Variants in PCDH15 observed in about 807,000 individuals in gnomAD.
The protein encoded by PCDH15 is protocadherin related 15.
Under a neutral mutation model 178.5 loss-of-function variants are expected in PCDH15, and 129 were observed. The ratio of observed to expected loss-of-function variants is 0.72; its 90% confidence interval spans 0.63 to 0.84. The LOEUF (loss-of-function observed/expected upper bound fraction) is 0.84, where lower values mean the gene tolerates loss of function less well. PCDH15 is among the 40% of genes least tolerant of loss of function. The pLI is 0.00. For missense variants in PCDH15, 2,230 were observed against 2,099.9 expected (o/e 1.06, Z -1.21); for synonymous variants, 800 against 732.0 (o/e 1.09, Z -1.50).
At chr10:55,248,076 T>C (rs1006584668) in intron 1 of PCDH15, among the ~76,000 whole-genome samples, 10 of 151,354 alleles carry the variant, frequency 6.6e-5, no homozygotes, top group African/African-American at 2.2e-4. Context: ...CTTTCACCTT[T>C]ACACTTGTAT....
intron 25 of PCDH15, among the ~76,000 whole-genome samples, chr10:53,932,161 T>A (rs1274919117): frequency 6.6e-6 from 1 of 152,248 alleles, no homozygotes; most frequent in African/African-American, 2.4e-5. Context: ...CATACTTCAG[T>A]TAATTCCAGT....
intron 1 of PCDH15, among the ~76,000 whole-genome samples, chr10:55,260,590 T>TA (rs937226267): frequency 3.1e-4 from 47 of 152,036 alleles, no homozygotes; most frequent in Admixed American, 2.8e-3. Flanking sequence ...TATACAATCT[T>TA]AAAAAAAAGA....
At chr10:54,125,497 T>A (rs1404523162) in intron 15 of PCDH15, among the ~76,000 whole-genome samples, 2 of 152,198 alleles carry the variant, frequency 1.3e-5, no homozygotes, top group Non-Finnish European at 2.9e-5. Flanking sequence ...AGAGAAACAA[T>A]GATTCACCTT....
At chr10:54,697,674 G>A (rs1240374532) in intron 1 of PCDH15, among the ~76,000 whole-genome samples, 1 of 123,290 alleles carries the variant, frequency 8.1e-6, no homozygotes, top group East Asian at 2.3e-4. Context: ...AAGGGGGAAG[G>A]GGAAGGGAGG....
chr10:55,250,416 C>T (rs1034600851), intron 1 of PCDH15, among the ~76,000 whole-genome samples: 18 of 149,378 alleles, frequency 1.2e-4, no homozygotes, highest in East Asian at 2.0e-4. Flanking sequence ...CAAAGTGCTA[C>T]GATTACAGGT....
chr10:54,237,986 A>C (rs2054807995), intron 8 of PCDH15, among the ~76,000 whole-genome samples: 1 of 152,138 alleles, frequency 6.6e-6, no homozygotes, highest in Admixed American at 6.6e-5. Flanking sequence ...TTTTGAAATG[A>C]TGCCTTTAGA....
At chr10:54,242,427 A>G (rs2055505433) in intron 8 of PCDH15, among the ~76,000 whole-genome samples, 1 of 151,684 alleles carries the variant, frequency 6.6e-6, no homozygotes, top group African/African-American at 2.4e-5. Context: ...TCCATAGAAC[A>G]ATAAGATTTA....
intron 2 of PCDH15, chr10:55,599,839 C>A (rs916538938): frequency 9.7e-7 from 1 of 1,035,808 alleles, no homozygotes; most frequent in Non-Finnish European, 1.4e-6. Flanking sequence ...TTAAGGGTTG[C>A]GGTATCCTGA....
In PCDH15 at chr10:54,494,012, C is replaced by T. The variant is rs538431342; in HGVS notation, c.157+33800G>A. ...CAAAAAACCAAACACTGCATGTTCT[C>T]ACTCATAGGTGGGAATTGAACAATG... On this transcript the variant is annotated intron_variant, in intron 3 of 37. Coordinates refer to ENST00000644397, the MANE Select transcript of PCDH15 (RefSeq NM_001384140.1). 3.0e-4 allele frequency among the ~76,000 whole-genome samples: 44 copies of T among 147,672 alleles called. No homozygotes were observed. In the South Asian group the frequency reaches 9.0e-3, roughly 30 times the overall value.
intron 2 of PCDH15, chr10:55,599,539 CT>C (rs2132141900): frequency 6.4e-6 from 1 of 155,066 alleles, no homozygotes; most frequent in South Asian, 2.0e-4. Flanking sequence ...TTACATTGGA[CT>C]AATCTATTAT....
At chr10:55,294,902 C>T (rs1300916830) in intron 1 of PCDH15, among the ~76,000 whole-genome samples, 1 of 152,004 alleles carries the variant, frequency 6.6e-6, no homozygotes, top group Non-Finnish European at 1.5e-5. Flanking sequence ...TATATTTTTC[C>T]GTATTAAAAT....
chr10:55,147,661 TA>T (rs34652922), intron 2 of PCDH15, among the ~76,000 whole-genome samples: 77,453 of 142,388 alleles, frequency 0.54, 20,749 homozygotes, highest in South Asian at 0.66. Flanking sequence ...CTTTTTTTTT[TA>T]AATTTTATTA....
intron 2 of PCDH15, among the ~76,000 whole-genome samples, chr10:55,007,783 A>G (rs1480987038): frequency 2.0e-5 from 3 of 152,134 alleles, no homozygotes; most frequent in African/African-American, 7.2e-5. Flanking sequence ...AATACATTCT[A>G]AAAGACAGTC....
intron 3 of PCDH15, among the ~76,000 whole-genome samples, chr10:54,387,626 A>G (rs765697328): frequency 6.6e-6 from 1 of 152,194 alleles, no homozygotes; most frequent in Non-Finnish European, 1.5e-5. Context: ...AACTCACCAT[A>G]TCACCACATC....
intron 25 of PCDH15, among the ~76,000 whole-genome samples, chr10:53,927,246 T>C (rs2084644671): frequency 6.6e-6 from 1 of 152,138 alleles, no homozygotes; most frequent in African/African-American, 2.4e-5. Flanking sequence ...CATGTAATGT[T>C]GTCAAAGATA....
At chr10:53,821,731 A>G (rs2076279466) in intron 32 of PCDH15, 19 of 1,518,410 alleles carry the variant, frequency 1.3e-5, no homozygotes, top group Admixed American at 8.8e-5. Flanking sequence ...TAAAAACGAG[A>G]AAAAAAACTG....
intron 2 of PCDH15, among the ~76,000 whole-genome samples, chr10:54,898,752 T>C (rs910463886): frequency 6.6e-6 from 1 of 152,284 alleles, no homozygotes; most frequent in African/African-American, 2.4e-5. Context: ...AAGAAACATT[T>C]TGAATCCTGA....
At chr10:53,828,088 C>A (rs535838459) in intron 31 of PCDH15, among the ~76,000 whole-genome samples, 20 of 151,732 alleles carry the variant, frequency 1.3e-4, no homozygotes, top group Non-Finnish European at 2.8e-4. Context: ...TGCCTGTGAT[C>A]CCAGCTACTG....
intron 26 of PCDH15, among the ~76,000 whole-genome samples, chr10:53,873,840 C>T (rs538729698): frequency 1.3e-5 from 2 of 152,084 alleles, no homozygotes; most frequent in Non-Finnish European, 2.9e-5. Flanking sequence ...CCCCATGAAA[C>T]GGATTGGTTC....
Sources: gnomAD v4.1 joint callset for allele counts (sites outside exome capture counted in the v4.1 genomes callset) on GRCh38, gnomAD v4.1.1 for gene constraint, MANE v1.5 for transcripts, NCBI Gene and HGNC (gene_info 2026-07-23, HGNC 2026-07-21) for gene names.